PABPC1L: variants seen among roughly 807,000 people sequenced by gnomAD.
The protein encoded by PABPC1L is polyadenylate-binding protein 1-like.
A neutral mutation model predicts 66.6 loss-of-function variants in PABPC1L; 31 were observed. That is an observed-to-expected ratio of 0.47 (90% CI 0.35 to 0.63). The LOEUF is 0.63. Ranked by LOEUF, PABPC1L falls within the 20% of genes least tolerant of loss-of-function variation. The probability of loss-of-function intolerance (pLI) is 0.00; values close to 1 mark genes in which losing one functional copy is unlikely to be tolerated. For synonymous variants in PABPC1L, 348 were observed against 335.1 expected (o/e 1.04, Z -0.42); for missense variants, 722 against 848.8 (o/e 0.85, Z 1.86).
chr20:44,937,448 T>C (rs6103927), intron 12 of PABPC1L, among the ~76,000 whole-genome samples: 2,506 of 151,908 alleles, frequency 0.016, 67 homozygotes, highest in African/African-American at 0.058. Flanking sequence ...GGAGTCTTGC[T>C]CTGCTGCCCC....
At chr20:44,911,643 G>T (rs988164938) in intron 1 of PABPC1L, among the ~76,000 whole-genome samples, 9 of 152,182 alleles carry the variant, frequency 5.9e-5, no homozygotes, top group African/African-American at 2.4e-5. Context: ...GCTAGGGAAG[G>T]GGTTGTTCCG....
chr20:44,915,075 T>C (rs899672080), intron 2 of PABPC1L, among the ~76,000 whole-genome samples: 1 of 152,182 alleles, frequency 6.6e-6, no homozygotes, highest in Admixed American at 6.5e-5. Flanking sequence ...GGAAGGCCCC[T>C]GTTTCAGGAT....
chr20:44,921,525 C>T, intron 5 of PABPC1L, 69 bp from the exon 6 acceptor site: 1 of 1,579,246 alleles, frequency 6.3e-7, no homozygotes, highest in South Asian at 1.2e-5. Context: ...CCTCTAGATC[C>T]AGAAGATGAG....
chr20:44,926,692 G>A (rs1410773181), intron 7 of PABPC1L, among the ~76,000 whole-genome samples: 6 of 151,278 alleles, frequency 4.0e-5, no homozygotes, highest in East Asian at 3.9e-4. Flanking sequence ...GATTACAGGC[G>A]CCCGCCACCA....
At chr20:44,932,114 G>A (rs1415848864) in intron 8 of PABPC1L, 1 of 379,954 alleles carries the variant, frequency 2.6e-6, no homozygotes, top group Non-Finnish European at 4.7e-6. Flanking sequence ...CATTGGGTTA[G>A]CTGACAGGGA....
chr20:44,929,024 G>C lies in PABPC1L; in HGVS notation c.973-1436G>C, dbSNP rs559346818. 2.3e-3 allele frequency among the ~76,000 whole-genome samples: 345 copies of C among 151,734 alleles called. 2 individuals carry two copies. The highest frequency in any genetic ancestry group is 3.0e-3 in the Non-Finnish European group (207 of 67,874). On this transcript the variant is annotated intron_variant, in intron 7 of 14. Coordinates refer to ENST00000217073, the MANE Select transcript of PABPC1L (RefSeq NM_001372179.1). ...GTGGTGGCTCCTGCCTGTAATCCCT[G>C]CACCTTGGGAGACCTAGGTAGGAGG...
At chr20:44,921,059 C>T (rs186492777) in intron 5 of PABPC1L, among the ~76,000 whole-genome samples, 82 of 152,098 alleles carry the variant, frequency 5.4e-4, no homozygotes, top group African/African-American at 1.9e-3. Flanking sequence ...GTGATCCAAC[C>T]GCCTTGGCCT....
At chr20:44,930,345 G>A (rs2066842310) in intron 7 of PABPC1L, 115 bp from the exon 8 acceptor site, 1 of 1,389,474 alleles carries the variant, frequency 7.2e-7, no homozygotes, top group Non-Finnish European at 9.8e-7. Flanking sequence ...CTCCATCACA[G>A]CTTTCTCGCG....
rs2145548197 is a variant in PABPC1L at position 44,910,126 on chromosome 20, C to T, written c.-18C>T. 6.5e-7 allele frequency: 1 copy of T among 1,544,802 alleles called. No homozygotes were observed. The highest frequency in any genetic ancestry group is 8.7e-7 in the Non-Finnish European group (1 of 1,143,702). Reference sequence around the variant, plus strand: ...ACCCGGCTCCTGCTTGCCCCGCAGCCCCGGCCCCCTGCCCACCATGAACGC... The same window carrying T: ...ACCCGGCTCCTGCTTGCCCCGCAGCTCCGGCCCCCTGCCCACCATGAACGC... On this transcript the variant is annotated 5_prime_UTR_variant, in exon 1 of 15. Transcript: ENST00000217073.
At chr20:44,930,840 C>T (rs1302235215) in intron 8 of PABPC1L, 114 bp downstream of exon 8, 1 of 1,390,214 alleles carries the variant, frequency 7.2e-7, no homozygotes, top group Non-Finnish European at 9.7e-7. Flanking sequence ...CTGCCGAGGA[C>T]TCATTAGGAA....
chr20:44,924,253 G>GA lies in PABPC1L; in HGVS notation c.971dup (p.Val325GlyfsTer117). 6.2e-7 allele frequency: 1 copy of GA among 1,610,946 alleles called. No homozygotes were observed. The highest frequency in any genetic ancestry group is 8.5e-7 in the Non-Finnish European group (1 of 1,177,198). ...CTCCCTATGGAGTAATTACCAGTGC[G>GA]AAGGTGAGGACTGGGGGCACCTCCG... On this transcript the variant is annotated frameshift_variant, in exon 7 of 15. Transcript: ENST00000217073. LOFTEE classifies it high-confidence loss of function.
At chr20:44,930,268 T>C (rs1998033) in intron 7 of PABPC1L, among the ~76,000 whole-genome samples, 192 bp from the exon 8 acceptor site, 81,750 of 151,792 alleles carry the variant, frequency 0.54, 22,183 homozygotes, top group Admixed American at 0.62. Context: ...CATCACAGCT[T>C]GCTAAACGGG....
Position 44,935,452 on chromosome 20 carries a change from G to A in PABPC1L, c.1521G>A (p.Pro507=), listed in dbSNP as rs774256455. The A allele has an allele frequency of 6.2e-6, 10 of 1,614,032 alleles. No homozygotes were observed. The highest frequency in any genetic ancestry group is 1.7e-5 in the Admixed American group (1 of 59,990). The change falls in exon 11 of 15, where the codon CCG becomes CCA. Residue 507 remains proline (P), a synonymous_variant. Coordinates refer to ENST00000217073, the MANE Select transcript of PABPC1L (RefSeq NM_001372179.1). ...SGVGCCTPGR[P]LLPCKCSSAA... ...TAGGATGCTGTACACCAGGCCGGCC[G>A]CTCCTGCCGTGCAAATGTTCCTCAG...
chr20:44,914,248 C>G (rs1417312476), intron 2 of PABPC1L, among the ~76,000 whole-genome samples: 1 of 134,956 alleles, frequency 7.4e-6, no homozygotes, highest in Non-Finnish European at 1.5e-5. Flanking sequence ...ACTCTGTTGC[C>G]CAGGCTGGAG....
At chr20:44,935,104 A>G (rs1188983670) in intron 10 of PABPC1L, among the ~76,000 whole-genome samples, 1 of 152,072 alleles carries the variant, frequency 6.6e-6, no homozygotes, top group African/African-American at 2.4e-5. Context: ...TGTTTGTACA[A>G]ATAGCTCTTT....
chr20:44,936,577 A>G, intron 11 of PABPC1L, 60 bp from the exon 12 acceptor site: 7 of 1,380,626 alleles, frequency 5.1e-6, no homozygotes, highest in Non-Finnish European at 5.9e-6. Flanking sequence ...TGCCAGGGTA[A>G]GTATTTTGAG....
chr20:44,935,458 G>T lies in PABPC1L; in HGVS notation c.1527G>T (p.Leu509=). ...GCTGTACACCAGGCCGGCCGCTCCTGCCGTGCAAATGTTCCTCAGCAGCAC... is the reference window on the plus strand; with the variant it reads ...GCTGTACACCAGGCCGGCCGCTCCTTCCGTGCAAATGTTCCTCAGCAGCAC... ...VGCCTPGRPL[L]PCKCSSAAHS... Residue 509 remains leucine (L), a synonymous_variant, in exon 11 of 15, where the codon CTG becomes CTT. Transcript: ENST00000217073. The T allele has an allele frequency of 6.2e-7, 1 of 1,614,178 alleles. No homozygotes were observed.
intron 7 of PABPC1L, among the ~76,000 whole-genome samples, chr20:44,929,689 G>A (rs182144865): frequency 9.9e-5 from 15 of 151,814 alleles, no homozygotes; most frequent in Admixed American, 9.2e-4. Context: ...CATCTACCCA[G>A]GAGGCTAAGG....
chr20:44,913,212 C>T (rs1030210496), intron 2 of PABPC1L, among the ~76,000 whole-genome samples: 4 of 152,166 alleles, frequency 2.6e-5, no homozygotes, highest in African/African-American at 7.2e-5. Flanking sequence ...TGGGAGCTCT[C>T]GCTGGGTATA....
Sources: gnomAD v4.1 joint callset for allele counts (sites outside exome capture counted in the v4.1 genomes callset) on GRCh38, gnomAD v4.1.1 for gene constraint, MANE v1.5 for transcripts, NCBI Gene and HGNC (gene_info 2026-07-23, HGNC 2026-07-21) for gene names.